UGT1A10: variants seen among roughly 807,000 people sequenced by gnomAD.
UGT1A10 encodes UDP glucuronosyltransferase family 1 member A10, also known as UDP-glucuronosyltransferase 1A10.
Under a neutral mutation model 45.8 loss-of-function variants are expected in UGT1A10, and 49 were observed. The observed-to-expected ratio is 1.07, with a 90% CI of 0.85 to 1.36. The LOEUF is 1.36. Ranked by LOEUF, UGT1A10 falls within the 40% of genes most tolerant of loss-of-function variation. The pLI is 0.00. For missense variants in UGT1A10, 745 were observed against 668.6 expected (o/e 1.11, Z -1.26); for synonymous variants, 284 against 249.7 (o/e 1.14, Z -1.29).
chr2:233,683,204 T>C (rs1391905237), intron 1 of UGT1A10, among the ~76,000 whole-genome samples: 2 of 152,198 alleles, frequency 1.3e-5, no homozygotes, highest in Admixed American at 1.3e-4. Flanking sequence ...AAATTGTCAC[T>C]TCTATTTTAT....
chr2:233,733,854 T>C (rs1332608655), intron 1 of UGT1A10, among the ~76,000 whole-genome samples: 1 of 152,088 alleles, frequency 6.6e-6, no homozygotes, highest in East Asian at 1.9e-4. Flanking sequence ...CTTTTTCTAT[T>C]GATTGGAATA....
intron 1 of UGT1A10, among the ~76,000 whole-genome samples, chr2:233,679,814 T>C (rs1281333604): frequency 1.3e-5 from 2 of 152,192 alleles, no homozygotes; most frequent in East Asian, 1.9e-4. Flanking sequence ...CTTTAAGTTG[T>C]CATAAAATGA....
intron 1 of UGT1A10, among the ~76,000 whole-genome samples, chr2:233,750,094 GAGAGCTC>G (rs2125902484): frequency 6.6e-6 from 1 of 152,024 alleles, no homozygotes; most frequent in South Asian, 2.1e-4. Context: ...GAACAGTTTG[GAGAGCTC>G]AGAAGAAGAC....
rs950702483 is a variant in UGT1A10 at position 233,748,193 on chromosome 2, C to G, written c.856-18841C>G. 9.0e-6 allele frequency: 14 copies of G among 1,552,524 alleles called. No individual in the cohort carries two copies. The Admixed American group carries it at 2.6e-4, about 28-fold the overall frequency. ...TATCTTTCTGGTGCTTTTATTTCTGCTTGTCGTAATAGCCTTCAGTGAGAT... is the reference window on the plus strand; with the variant it reads ...TATCTTTCTGGTGCTTTTATTTCTGGTTGTCGTAATAGCCTTCAGTGAGAT... On this transcript the variant is annotated intron_variant, in intron 1 of 4. Transcript: ENST00000344644.
intron 1 of UGT1A10, chr2:233,713,872 C>A (rs1406341020): frequency 3.1e-6 from 5 of 1,613,636 alleles, no homozygotes; most frequent in Middle Eastern, 1.7e-4. Context: ...TGTATTGGTG[C>A]CTTTATCCAA....
intron 1 of UGT1A10, among the ~76,000 whole-genome samples, chr2:233,644,879 A>C (rs1167344016): frequency 6.6e-6 from 1 of 152,156 alleles, no homozygotes; most frequent in African/African-American, 2.4e-5. Flanking sequence ...TTTCCTGTGT[A>C]GATAGTTGCT....
At chr2:233,662,422 C>T (rs1197150384) in intron 1 of UGT1A10, among the ~76,000 whole-genome samples, 4 of 152,132 alleles carry the variant, frequency 2.6e-5, no homozygotes, top group Admixed American at 2.0e-4. Flanking sequence ...AATGGACCAA[C>T]ACCGTTGAAA....
chr2:233,645,888 G>A (rs2073588610), intron 1 of UGT1A10, among the ~76,000 whole-genome samples: 1 of 152,184 alleles, frequency 6.6e-6, no homozygotes, highest in South Asian at 2.1e-4. Context: ...CCACTAGGCA[G>A]TCCCCCAGTT....
At position 233,718,947 on chromosome 2, in the gene UGT1A10, A is replaced by C. The variant is rs771749966; in HGVS notation, c.856-48087A>C. On this transcript the variant is annotated intron_variant, in intron 1 of 4. Coordinates refer to ENST00000344644, the MANE Select transcript of UGT1A10 (RefSeq NM_019075.4). ...GCCCACTGATGGCAGCCCCTGGCTC[A>C]GCATGCGGGAGGCCTTGCGGGAGCT... is the stretch of plus-strand genomic sequence containing the variant. The C allele has an allele frequency of 3.1e-6, 5 of 1,613,894 alleles. No homozygotes were observed. The Admixed American group carries it at 6.7e-5, about 22-fold the overall frequency.
chr2:233,654,729 C>T (rs1245738480), intron 1 of UGT1A10, among the ~76,000 whole-genome samples: 1 of 152,176 alleles, frequency 6.6e-6, no homozygotes, highest in Non-Finnish European at 1.5e-5. Flanking sequence ...GGTAACACAA[C>T]GAGCTGCAAA....
chr2:233,681,229 A>G (rs1331395758), intron 1 of UGT1A10, among the ~76,000 whole-genome samples: 1 of 151,962 alleles, frequency 6.6e-6, no homozygotes, highest in African/African-American at 2.4e-5. Context: ...CAGAGGACAA[A>G]ATAAAAATTG....
At chr2:233,761,840 A>T (rs1697880873) in intron 1 of UGT1A10, among the ~76,000 whole-genome samples, 1 of 152,140 alleles carries the variant, frequency 6.6e-6, no homozygotes, top group African/African-American at 2.4e-5. Context: ...AGCGTTAGGG[A>T]ATTACTCTTT....
chr2:233,643,666 T>G (rs1168700156), intron 1 of UGT1A10, among the ~76,000 whole-genome samples: 2 of 152,166 alleles, frequency 1.3e-5, no homozygotes, highest in Non-Finnish European at 2.9e-5. Flanking sequence ...GAATCTCACC[T>G]AGAGCCAGTA....
Position 233,768,364 on chromosome 2 carries a change from G to T in UGT1A10, c.1220G>T (p.Gly407Val). 1 of 1,614,172 alleles carries T rather than the reference G, an allele frequency of 6.2e-7. No homozygotes were observed. Among genetic ancestry groups the T allele is most frequent in the Non-Finnish European group, 8.5e-7 (1 of 1,180,034 alleles). ...NAKRMETKGA[G>V]VTLNVLEMTS... ...AAGCGCATGGAGACTAAGGGAGCTG[G>T]AGTGACCCTGAATGTTCTGGAAATG... Residue 407 changes from glycine to valine, a missense_variant, in exon 4 of 5, where the codon GGA (glycine) becomes GTA (valine). Coordinates refer to ENST00000344644, the MANE Select transcript of UGT1A10 (RefSeq NM_019075.4).
chr2:233,729,269 T>C, intron 1 of UGT1A10: 1 of 1,614,208 alleles, frequency 6.2e-7, no homozygotes, highest in Non-Finnish European at 8.5e-7. Context: ...CGGGAGGTCT[T>C]GCGGGAGCTC....
At position 233,636,570 on chromosome 2, in the gene UGT1A10, A is replaced by G. The variant is rs771998629; in HGVS notation, c.48A>G (p.Leu16=). ...GCCCCGTTCCTTTATGTGTGTGTCT[A>G]CTGCTGACCTGTGGCTTTGCCGAGG... ...WTSPVPLCVC[L]LLTCGFAEAG... is the part of the protein sequence containing the mutation. Residue 16 remains leucine, a synonymous_variant, in exon 1 of 5, where the codon CTA becomes CTG. Transcript: ENST00000344644. The G allele has an allele frequency of 1.2e-6, 2 of 1,613,932 alleles. No individual in the cohort carries two copies. The highest frequency in any genetic ancestry group is 1.3e-5 in the African/African-American group (1 of 74,872).
intron 1 of UGT1A10, among the ~76,000 whole-genome samples, chr2:233,692,683 T>C (rs982840402): frequency 1.3e-5 from 2 of 151,996 alleles, no homozygotes; most frequent in Non-Finnish European, 1.5e-5. Flanking sequence ...TGGCAGGGGG[T>C]CCTCAGGGGT....
chr2:233,681,862 C>G lies in UGT1A10; in HGVS notation c.855+44485C>G, dbSNP rs1298944980. ...ACACGCCTTCTTTTGAGGGCAGGTT[C>G]TATCTGTACTTCTTCCACTTACTAT... On this transcript the variant is annotated intron_variant, in intron 1 of 4. Transcript: ENST00000344644. 4.1e-5 allele frequency: 62 copies of G among 1,529,184 alleles called. No homozygotes were observed. The East Asian group carries it at 1.3e-3, about 31-fold the overall frequency. 94.7% of individuals were successfully genotyped at this position (1,529,184 alleles called of 1,614,324 possible).
At chr2:233,676,157 A>G (rs1030700811) in intron 1 of UGT1A10, among the ~76,000 whole-genome samples, 2 of 152,174 alleles carry the variant, frequency 1.3e-5, no homozygotes, top group African/African-American at 2.4e-5. Flanking sequence ...TCAGACTCCA[A>G]AACCATTTGT....
Sources: allele counts gnomAD v4.1 joint callset (sites outside exome capture counted in the v4.1 genomes callset), GRCh38; gene constraint gnomAD v4.1.1; transcripts MANE v1.5; gene names NCBI Gene and HGNC (gene_info 2026-07-23, HGNC 2026-07-21).